WWTR1: variants seen among roughly 807,000 people sequenced by gnomAD.
WWTR1 encodes WW domain containing transcription regulator 1, also known as WW domain-containing transcription regulator protein 1.
Under a neutral mutation model 40.1 loss-of-function variants are expected in WWTR1, and 13 were observed. The ratio of observed to expected loss-of-function variants is 0.32; its 90% CI spans 0.21 to 0.52. The LOEUF (loss-of-function observed/expected upper bound fraction) is 0.52, where lower values mean the gene tolerates loss of function less well. Ranked by LOEUF, WWTR1 falls within the 20% of genes least tolerant of loss-of-function variation. WWTR1 has a pLI of 0.97. For synonymous variants in WWTR1, 230 were observed against 210.1 expected, an observed-to-expected ratio of 1.09 and a Z score of -0.82; for missense variants, 436 against 523.1, an observed-to-expected ratio of 0.83 and a Z score of 1.63.
At chr3:149,678,335 A>T (rs940210942) in intron 1 of WWTR1, among the ~76,000 whole-genome samples, 14 of 152,218 alleles carry the variant, frequency 9.2e-5, no homozygotes, top group African/African-American at 3.4e-4. Flanking sequence ...GACAGGTTTG[A>T]GGCCATCCCT....
At chr3:149,677,276 A>G (rs1714300944) in intron 1 of WWTR1, among the ~76,000 whole-genome samples, 1 of 152,054 alleles carries the variant, frequency 6.6e-6, no homozygotes, top group African/African-American at 2.4e-5. Flanking sequence ...TACAGGAGCA[A>G]TTTCATATTT....
chr3:149,724,405 T>TC (rs1715824705), intron 3 of WWTR1, among the ~76,000 whole-genome samples: 1 of 151,566 alleles, frequency 6.6e-6, no homozygotes, highest in Non-Finnish European at 1.5e-5. Flanking sequence ...ATCAATGTGA[T>TC]CCCCCCTAAT....
In WWTR1 at chr3:149,531,081, T is replaced by C. The variant is rs543621973; in HGVS notation, c.772-3112A>G. On this transcript the variant is annotated intron_variant, in intron 4 of 6. Coordinates refer to ENST00000360632, the MANE Select transcript of WWTR1 (RefSeq NM_015472.6). ...TCCCGAGTAGCTGGGACTACAGGCA[T>C]GTGCCACCACGCCCAGCTAATTTTT... Among the ~76,000 whole-genome samples the C allele has an allele frequency of 9.9e-5, 15 of 152,166 alleles. No individual in the cohort carries two copies. The South Asian group carries it at 2.5e-3, about 25-fold the overall frequency.
chr3:149,663,328 T>C (rs567173995), intron 2 of WWTR1, among the ~76,000 whole-genome samples: 1 of 114,410 alleles, frequency 8.7e-6, no homozygotes, highest in South Asian at 2.9e-4. Flanking sequence ...TATATTGTAT[T>C]GTAAAATTCG....
At chr3:149,544,797 G>A (rs1736293054) in intron 3 of WWTR1, among the ~76,000 whole-genome samples, 1 of 152,156 alleles carries the variant, frequency 6.6e-6, no homozygotes. Flanking sequence ...ACACACAGCA[G>A]GTCATCAAAA....
At chr3:149,573,076 G>T in intron 2 of WWTR1, 76 bp from the exon 3 acceptor site, 1 of 1,406,786 alleles carries the variant, frequency 7.1e-7, no homozygotes, top group Non-Finnish European at 9.7e-7. Context: ...CAGCATAATA[G>T]TTAATGACAC....
At chr3:149,634,001 C>T (rs1711685395) in intron 2 of WWTR1, among the ~76,000 whole-genome samples, 1 of 152,060 alleles carries the variant, frequency 6.6e-6, no homozygotes, top group African/African-American at 2.4e-5. Context: ...GTGCAAAGGA[C>T]TGAAGTCAGA....
chr3:149,667,303 T>C (rs1307892722), intron 2 of WWTR1, among the ~76,000 whole-genome samples: 1 of 145,580 alleles, frequency 6.9e-6, no homozygotes, highest in African/African-American at 2.5e-5. Flanking sequence ...TCCCAGCACT[T>C]TGGGAGGCTG....
intron 3 of WWTR1, among the ~76,000 whole-genome samples, chr3:149,556,616 C>T (rs1033341820): frequency 6.6e-6 from 1 of 151,982 alleles, no homozygotes; most frequent in Admixed American, 6.6e-5. Context: ...AGGAAAGAGG[C>T]CACTCCTTGG....
intron 2 of WWTR1, among the ~76,000 whole-genome samples, chr3:149,593,947 G>A (rs1447661839): frequency 6.6e-6 from 1 of 152,158 alleles, no homozygotes; most frequent in African/African-American, 2.4e-5. Flanking sequence ...AACCCATGAC[G>A]CTGGATGTTA....
intron 1 of WWTR1, among the ~76,000 whole-genome samples, chr3:149,676,854 A>G (rs1242897058): frequency 2.0e-5 from 3 of 151,672 alleles, no homozygotes; most frequent in East Asian, 3.9e-4. Flanking sequence ...AACCAGAAAG[A>G]TTATGTTAAA....
intron 2 of WWTR1, among the ~76,000 whole-genome samples, chr3:149,587,759 G>A (rs1268013574): frequency 6.6e-6 from 1 of 152,138 alleles, no homozygotes; most frequent in Non-Finnish European, 1.5e-5. Flanking sequence ...AGACAAAATT[G>A]TAAATAGTAA....
At chr3:149,593,739 G>GA (rs1738842867) in intron 2 of WWTR1, among the ~76,000 whole-genome samples, 6 of 152,182 alleles carry the variant, frequency 3.9e-5, no homozygotes, top group African/African-American at 1.4e-4. Flanking sequence ...GGAAGCAGGG[G>GA]GAGCCATTGA....
upstream of WWTR1, among the ~76,000 whole-genome samples, chr3:149,704,080 C>T (rs377764670): frequency 3.2e-4 from 49 of 152,236 alleles, no homozygotes; most frequent in South Asian, 0.01. Flanking sequence ...TGAGCTCAAG[C>T]AATCCTCCCA....
At chr3:149,680,058 G>A (rs1186005681) in intron 1 of WWTR1, among the ~76,000 whole-genome samples, 2 of 152,170 alleles carry the variant, frequency 1.3e-5, no homozygotes, top group East Asian at 1.9e-4. Flanking sequence ...ATAAGGTGAT[G>A]ACAATAACCT....
intron 3 of WWTR1, among the ~76,000 whole-genome samples, chr3:149,570,251 T>C (rs759155540): frequency 6.6e-6 from 1 of 152,188 alleles, no homozygotes; most frequent in Non-Finnish European, 1.5e-5. Flanking sequence ...AATGTGCGTC[T>C]TGAGAAATTC....
chr3:149,694,726 T>C (rs568693726), intron 1 of WWTR1, among the ~76,000 whole-genome samples: 1 of 152,154 alleles, frequency 6.6e-6, no homozygotes, highest in Non-Finnish European at 1.5e-5. Context: ...AGAATGTAAA[T>C]TAATACAGCA....
At chr3:149,627,317 C>A (rs1028434153) in intron 2 of WWTR1, among the ~76,000 whole-genome samples, 1 of 152,174 alleles carries the variant, frequency 6.6e-6, no homozygotes, top group Non-Finnish European at 1.5e-5. Flanking sequence ...GGGAAACATC[C>A]ACCCCATTTT....
chr3:149,524,006 T>A (rs719073), intron 6 of WWTR1, among the ~76,000 whole-genome samples: 1 of 152,226 alleles, frequency 6.6e-6, no homozygotes, highest in African/African-American at 2.4e-5. Flanking sequence ...CCATTGTATG[T>A]ATGACATCAG....
Sources: gnomAD v4.1 joint callset for allele counts (sites outside exome capture counted in the v4.1 genomes callset) on GRCh38, gnomAD v4.1.1 for gene constraint, MANE v1.5 for transcripts, NCBI Gene and HGNC (gene_info 2026-07-23, HGNC 2026-07-21) for gene names.